The following SORCS1 variants were observed in gnomAD, a reference collection of about 807,000 sequenced individuals.
SORCS1 encodes the protein VPS10 domain-containing receptor SorCS1.
A neutral mutation model predicts 146.1 loss-of-function variants in SORCS1; 60 were observed. The observed-to-expected ratio is 0.41, with a 90% confidence interval of 0.33 to 0.51. The LOEUF (loss-of-function observed/expected upper bound fraction) is 0.51. Among genes scored for constraint, SORCS1 ranks in the 20% least tolerant of loss-of-function variants. The pLI, the probability that SORCS1 is intolerant of heterozygous loss-of-function variation, is 0.21. For missense variants in SORCS1, 1,352 were observed against 1,487.6 expected (o/e 0.91, Z 1.50); for synonymous variants, 637 against 584.0 (o/e 1.09, Z -1.31).
Position 106,704,414 on chromosome 10 carries a change from AGGCTCAGT to A in SORCS1, c.1233+2123_1233+2130del, listed in dbSNP as rs149065692. 8.4e-3 allele frequency among the ~76,000 whole-genome samples: 1,275 copies of A among 152,330 alleles called. 19 individuals carry two copies. Among genetic ancestry groups the A allele is most frequent in the African/African-American group, 0.029 (1,213 of 41,570 alleles). On this transcript the variant is annotated intron_variant, in intron 8 of 25. Transcript: ENST00000263054. The stretch of plus-strand genomic sequence containing the variant: ...TCACTTAACGAGTTTATTACCGGCC[AGGCTCAGT>A]GGCTCACACCTGTAATCCCACCACT...
At chr10:106,713,344 A>G (rs903506201) in intron 6 of SORCS1, among the ~76,000 whole-genome samples, 1 of 152,196 alleles carries the variant, frequency 6.6e-6, no homozygotes, top group Non-Finnish European at 1.5e-5. Context: ...TTACAAATAC[A>G]ATTTCCAACT....
At chr10:107,049,810 G>C (rs1293440257) in intron 1 of SORCS1, among the ~76,000 whole-genome samples, 1 of 152,126 alleles carries the variant, frequency 6.6e-6, no homozygotes, top group Non-Finnish European at 1.5e-5. Context: ...AATTACAAGA[G>C]GCTAAAGATG....
At chr10:107,156,778 C>A (rs1969316500) in intron 1 of SORCS1, among the ~76,000 whole-genome samples, 1 of 152,262 alleles carries the variant, frequency 6.6e-6, no homozygotes, top group South Asian at 2.1e-4. Flanking sequence ...TTTTAACTAG[C>A]TTTTATCTGC....
At chr10:106,809,759 T>A (rs1010367214) in intron 3 of SORCS1, among the ~76,000 whole-genome samples, 4 of 152,230 alleles carry the variant, frequency 2.6e-5, no homozygotes, top group Admixed American at 6.5e-5. Context: ...AACCCTCTTC[T>A]GTGTATTTGT....
intron 3 of SORCS1, among the ~76,000 whole-genome samples, chr10:106,780,401 T>A (rs945809818): frequency 2.6e-5 from 4 of 152,220 alleles, no homozygotes; most frequent in African/African-American, 9.6e-5. Flanking sequence ...CTGGAGCATG[T>A]TCTGGACAAC....
At chr10:106,897,895 C>T (rs1467146878) in intron 2 of SORCS1, among the ~76,000 whole-genome samples, 1 of 152,216 alleles carries the variant, frequency 6.6e-6, no homozygotes, top group Non-Finnish European at 1.5e-5. Context: ...TGCTAAACAG[C>T]ATCCTGACTT....
At chr10:106,787,683 A>G (rs1946118434) in intron 3 of SORCS1, among the ~76,000 whole-genome samples, 1 of 152,204 alleles carries the variant, frequency 6.6e-6, no homozygotes, top group Non-Finnish European at 1.5e-5. Flanking sequence ...TGCCTTCTTT[A>G]AACCGTTTCA....
chr10:107,019,551 G>A (rs994571327), intron 1 of SORCS1, among the ~76,000 whole-genome samples: 1 of 152,212 alleles, frequency 6.6e-6, no homozygotes, highest in Non-Finnish European at 1.5e-5. Context: ...CTGAGAAAGA[G>A]AGAGCTCATT....
intron 1 of SORCS1, among the ~76,000 whole-genome samples, chr10:107,086,543 A>T (rs1254056592): frequency 1.3e-5 from 2 of 152,242 alleles, no homozygotes; most frequent in African/African-American, 4.8e-5. Flanking sequence ...CATTTTCAAT[A>T]TTTTGACTTC....
At chr10:106,773,107 T>C (rs1860152033) in intron 4 of SORCS1, among the ~76,000 whole-genome samples, 1 of 152,192 alleles carries the variant, frequency 6.6e-6, no homozygotes, top group Non-Finnish European at 1.5e-5. Flanking sequence ...AAGGGATTGT[T>C]CACCACAATT....
chr10:106,957,513 A>G (rs1955021707), intron 1 of SORCS1, among the ~76,000 whole-genome samples: 1 of 152,006 alleles, frequency 6.6e-6, no homozygotes, highest in African/African-American at 2.4e-5. Flanking sequence ...CCTTTGCTCT[A>G]TGTGAGCTTG....
intron 1 of SORCS1, among the ~76,000 whole-genome samples, chr10:106,959,861 T>C (rs774231014): frequency 6.6e-6 from 1 of 152,230 alleles, no homozygotes; most frequent in Non-Finnish European, 1.5e-5. Context: ...TTAAATAATA[T>C]ACACATAATT....
At chr10:107,144,282 C>T (rs1419472150) in intron 1 of SORCS1, among the ~76,000 whole-genome samples, 2 of 152,208 alleles carry the variant, frequency 1.3e-5, no homozygotes, top group Admixed American at 6.5e-5. Flanking sequence ...TCCCCTTAGA[C>T]TTTGAACTAC....
At position 106,837,895 on chromosome 10, in the gene SORCS1, G is replaced by A. The variant is rs545078018; in HGVS notation, c.627-8222C>T. On this transcript the variant is annotated intron_variant, in intron 2 of 25. Transcript: ENST00000263054. Reference sequence around the variant, plus strand: ...CCTCACCCACCCCTCAGCACACTCTGCCCTTCCTAGGTGCTTTTATTTTCT... The same window carrying A: ...CCTCACCCACCCCTCAGCACACTCTACCCTTCCTAGGTGCTTTTATTTTCT... 3.3e-4 allele frequency among the ~76,000 whole-genome samples: 50 copies of A among 151,926 alleles called. 1 individual carries two copies. In the South Asian group the frequency reaches 0.01, roughly 30 times the overall value.
Position 106,804,516 on chromosome 10 carries a change from T to C in SORCS1, c.726+25058A>G, listed in dbSNP as rs532718341. Among the ~76,000 whole-genome samples the C allele has an allele frequency of 4.6e-5, 7 of 151,786 alleles. No individual in the cohort carries two copies. The South Asian group carries it at 1.2e-3, about 27-fold the overall frequency. On this transcript the variant is annotated intron_variant, in intron 3 of 25. Transcript: ENST00000263054. ...ACAAACACACACAACTTAAATTCAATCAATAAAGTAAAAAGTTTATAAATA... is the reference window on the plus strand; with the variant it reads ...ACAAACACACACAACTTAAATTCAACCAATAAAGTAAAAAGTTTATAAATA...
At chr10:107,075,794 G>T (rs750173561) in intron 1 of SORCS1, among the ~76,000 whole-genome samples, 1 of 151,958 alleles carries the variant, frequency 6.6e-6, no homozygotes, top group Non-Finnish European at 1.5e-5. Context: ...ATTACATGGT[G>T]GGTGTGTTCC....
At chr10:107,092,672 C>T (rs1964273462) in intron 1 of SORCS1, among the ~76,000 whole-genome samples, 1 of 152,108 alleles carries the variant, frequency 6.6e-6, no homozygotes, top group Non-Finnish European at 1.5e-5. Context: ...TGTGAGAGAG[C>T]TATCACAACT....
At chr10:106,826,439 C>T (rs1948307561) in intron 3 of SORCS1, among the ~76,000 whole-genome samples, 1 of 152,182 alleles carries the variant, frequency 6.6e-6, no homozygotes, top group South Asian at 2.1e-4. Flanking sequence ...TGAGCACTGC[C>T]TTTGTTCTGC....
intron 1 of SORCS1, among the ~76,000 whole-genome samples, chr10:106,994,086 A>AAAAAAAG (rs1554908001): frequency 1.1e-4 from 15 of 135,010 alleles, no homozygotes; most frequent in African/African-American, 4.6e-4. Context: ...AAAAAAAAAA[A>AAAAAAAG]AGAAAATGAG....
Sources: gnomAD v4.1 joint callset for allele counts (sites outside exome capture counted in the v4.1 genomes callset) on GRCh38, gnomAD v4.1.1 for gene constraint, MANE v1.5 for transcripts, NCBI Gene and HGNC (gene_info 2026-07-23, HGNC 2026-07-21) for gene names.